Variants in SPATA17 observed in about 807,000 individuals in gnomAD.
SPATA17 encodes spermatogenesis-associated protein 17.
SPATA17 carries 53 observed loss-of-function variants against 62.2 expected under a neutral mutation model. The observed-to-expected ratio is 0.85, with a 90% confidence interval of 0.68 to 1.07. The LOEUF is 1.07. SPATA17 is among the 50% of genes least tolerant of loss of function. The probability of loss-of-function intolerance (pLI) is 0.00; values close to 1 mark genes in which losing one functional copy is unlikely to be tolerated. For missense variants in SPATA17, 466 were observed against 425.5 expected (o/e 1.10, Z -0.84); for synonymous variants, 146 against 146.8 (o/e 0.99, Z 0.04).
chr1:217,690,365 C>T (rs189373163), intron 5 of SPATA17, among the ~76,000 whole-genome samples: 67 of 151,982 alleles, frequency 4.4e-4, no homozygotes, highest in African/African-American at 1.5e-3. Context: ...CTTGCTAATT[C>T]TCTTTCTTTT....
At chr1:217,639,071 C>T (rs1000341785) in intron 1 of SPATA17, among the ~76,000 whole-genome samples, 1 of 151,978 alleles carries the variant, frequency 6.6e-6, no homozygotes, top group African/African-American at 2.4e-5. Context: ...AACTTCTAAA[C>T]TGAAGAAAGA....
At chr1:217,764,073 C>T (rs1214834497) in intron 6 of SPATA17, among the ~76,000 whole-genome samples, 1 of 152,118 alleles carries the variant, frequency 6.6e-6, no homozygotes, top group African/African-American at 2.4e-5. Context: ...TATTAATGAA[C>T]CTACATGGAT....
intron 8 of SPATA17, among the ~76,000 whole-genome samples, chr1:217,790,625 A>C (rs996887697): frequency 5.5e-4 from 84 of 151,932 alleles, no homozygotes; most frequent in Admixed American, 9.8e-4. Flanking sequence ...TATTTTTAGT[A>C]GAGACGGGGT....
intron 8 of SPATA17, among the ~76,000 whole-genome samples, chr1:217,801,476 T>C (rs1674310575): frequency 6.6e-6 from 1 of 152,204 alleles, no homozygotes; most frequent in African/African-American, 2.4e-5. Flanking sequence ...ATAAAATACT[T>C]GAGACTCACA....
intron 3 of SPATA17, among the ~76,000 whole-genome samples, chr1:217,659,629 A>G (rs1670521930): frequency 6.6e-6 from 1 of 152,090 alleles, no homozygotes; most frequent in Non-Finnish European, 1.5e-5. Context: ...CTCCTGATCC[A>G]TATATATCTA....
intron 5 of SPATA17, among the ~76,000 whole-genome samples, chr1:217,688,251 A>T (rs1671268080): frequency 6.6e-6 from 1 of 151,998 alleles, no homozygotes; most frequent in Admixed American, 6.5e-5. Context: ...AAAAATAAAT[A>T]AACAAAAATA....
rs1671307826 is a variant in SPATA17 at position 217,689,946 on chromosome 1, C to A, written c.395+6585C>A. 2.6e-5 allele frequency among the ~76,000 whole-genome samples: 4 copies of A among 151,732 alleles called. No individual in the cohort carries two copies. In the South Asian group the frequency reaches 8.3e-4, roughly 32 times the overall value. On this transcript the variant is annotated intron_variant, in intron 5 of 10. Coordinates refer to ENST00000366933, the MANE Select transcript of SPATA17 (RefSeq NM_138796.4). The stretch of plus-strand genomic sequence containing the variant: ...GAGACAGAGTTTTGCTCTTTTCGCC[C>A]AGGCTGCAGTGCAATGGCACAATCT...
At position 217,648,951 on chromosome 1, in the gene SPATA17, TC is replaced by T. The variant is rs1304239598; in HGVS notation, c.139del (p.Gln47LysfsTer9). ...VKIQSWFRGC[Q>X]VRAYIRHLNR... ...AAATCCAAAGCTGGTTTCGAGGATG[TC>T]AAGTTCGGGCATATATCAGGTATAT... On this transcript the variant is annotated frameshift_variant, in exon 2 of 11. Coordinates refer to ENST00000366933, the MANE Select transcript of SPATA17 (RefSeq NM_138796.4). LOFTEE classifies it high-confidence loss of function. 2 of 1,610,256 alleles carry T rather than the reference TC, an allele frequency of 1.2e-6. No individual in the cohort carries two copies. Among genetic ancestry groups the T allele is most frequent in the Non-Finnish European group, 1.7e-6 (2 of 1,178,336 alleles).
intron 9 of SPATA17, among the ~76,000 whole-genome samples, chr1:217,816,680 T>C (rs1445500767): frequency 1.3e-5 from 2 of 152,058 alleles, no homozygotes; most frequent in East Asian, 1.9e-4. Flanking sequence ...AAAAATGATA[T>C]TGAAATATTA....
Position 217,871,176 on chromosome 1 carries a change from A to ATATC in SPATA17, c.*4159_*4162dup, listed in dbSNP as rs1409650676. Reference sequence around the variant, plus strand: ...CCTTTTGGGAAATAAATAATCTTTCATATCTGTAAACTTTGGTATAATTGG... The same window carrying ATATC: ...CCTTTTGGGAAATAAATAATCTTTCATATCTATCTGTAAACTTTGGTATAATTGG... On this transcript the variant is annotated 3_prime_UTR_variant, in exon 11 of 11. Transcript: ENST00000366933. 3 of 152,102 alleles carry ATATC rather than the reference A, an allele frequency of 2.0e-5. No individual in the cohort carries two copies. In the East Asian group the frequency reaches 5.8e-4, roughly 29 times the overall value. The allele number at this position is 152,102 out of a possible 1,614,324, so 9.4% of individuals were successfully genotyped here. A position where few individuals can be genotyped will look rare whatever the true frequency, so the allele number is the denominator to read the frequency against.
intron 4 of SPATA17, among the ~76,000 whole-genome samples, chr1:217,672,672 A>G (rs1482478679): frequency 2.0e-5 from 3 of 152,090 alleles, no homozygotes; most frequent in Admixed American, 1.3e-4. Flanking sequence ...CTTTTATGTA[A>G]TATTTATTAA....
chr1:217,650,226 A>T (rs1670279179), intron 2 of SPATA17, among the ~76,000 whole-genome samples: 1 of 152,086 alleles, frequency 6.6e-6, no homozygotes, highest in Admixed American at 6.5e-5. Context: ...GGCATGAGCC[A>T]CGGCGCCTGG....
Position 217,683,237 on chromosome 1 carries a change from T to C in SPATA17, c.292-21T>C. ...TAAAAGTGTTTAATGGCATATTTTATCTCTTTATTTACTTTAATAGATTCA... is the reference window on the plus strand; with the variant it reads ...TAAAAGTGTTTAATGGCATATTTTACCTCTTTATTTACTTTAATAGATTCA... On this transcript the variant is annotated intron_variant, in intron 4 of 10. Transcript: ENST00000366933. 3 of 1,523,568 alleles carry C rather than the reference T, an allele frequency of 2.0e-6. No homozygotes were observed. In the South Asian group the frequency reaches 3.6e-5, roughly 18 times the overall value. 94.4% of individuals were successfully genotyped at this position (1,523,568 alleles called of 1,614,324 possible).
At chr1:217,795,659 C>G (rs975954023) in intron 8 of SPATA17, among the ~76,000 whole-genome samples, 4 of 151,612 alleles carry the variant, frequency 2.6e-5, no homozygotes, top group Non-Finnish European at 5.9e-5. Flanking sequence ...CATGAGCCAC[C>G]GCCCCCAGTG....
At chr1:217,816,630 G>A (rs1674724120) in intron 9 of SPATA17, among the ~76,000 whole-genome samples, 1 of 151,816 alleles carries the variant, frequency 6.6e-6, no homozygotes. Context: ...ACACACAATT[G>A]TAACTACTTG....
At chr1:217,657,084 C>T (rs1016513437) in intron 3 of SPATA17, among the ~76,000 whole-genome samples, 2 of 152,064 alleles carry the variant, frequency 1.3e-5, no homozygotes, top group African/African-American at 4.8e-5. Flanking sequence ...GTGTTTGAAC[C>T]TTCCAAATTA....
At chr1:217,648,367 C>G (rs927724370) in intron 1 of SPATA17, among the ~76,000 whole-genome samples, 10 of 152,114 alleles carry the variant, frequency 6.6e-5, no homozygotes, top group African/African-American at 2.4e-4. Flanking sequence ...TATGGCCCTC[C>G]CCTTGCCTCC....
chr1:217,725,156 TA>T (rs1558580875), intron 5 of SPATA17, among the ~76,000 whole-genome samples: 1 of 152,152 alleles, frequency 6.6e-6, no homozygotes, highest in African/African-American at 2.4e-5. Context: ...AAATTTGGCC[TA>T]AAAAATTTTT....
At chr1:217,672,304 G>A (rs1311600667) in intron 4 of SPATA17, among the ~76,000 whole-genome samples, 1 of 152,170 alleles carries the variant, frequency 6.6e-6, no homozygotes, top group East Asian at 1.9e-4. Flanking sequence ...ATTTAAACAT[G>A]AATGGCGAGT....
Sources: gnomAD v4.1 joint callset for allele counts (sites outside exome capture counted in the v4.1 genomes callset) on GRCh38, gnomAD v4.1.1 for gene constraint, MANE v1.5 for transcripts, NCBI Gene and HGNC (gene_info 2026-07-23, HGNC 2026-07-21) for gene names.